MTMR1: variants seen among roughly 807,000 people sequenced by gnomAD.
MTMR1 encodes the protein myotubularin related protein 1.
A neutral mutation model predicts 51.6 loss-of-function variants in MTMR1; 17 were observed. The observed-to-expected ratio is 0.33, with a 90% confidence interval of 0.23 to 0.49. The LOEUF (loss-of-function observed/expected upper bound fraction) is 0.49. Ranked by LOEUF, MTMR1 falls within the 20% of genes least tolerant of loss-of-function variation. The pLI, the probability that MTMR1 is intolerant of heterozygous loss-of-function variation, is 0.99. For synonymous variants in MTMR1, 201 were observed against 205.6 expected (o/e 0.98, Z 0.19); for missense variants, 386 against 526.9 (o/e 0.73, Z 2.62).
intron 13 of MTMR1, among the ~76,000 whole-genome samples, chrX:150,749,238 A>G (rs993526599): frequency 8.9e-6 from 1 of 111,749 alleles, no homozygotes; most frequent in Non-Finnish European, 1.9e-5. Flanking sequence ...TGGATTGACC[A>G]TTGTTCTAAT....
At chrX:150,736,455 C>T (rs2148638587) in intron 10 of MTMR1, 140 bp from the exon 11 acceptor site, 1 of 506,100 alleles carries the variant, frequency 2.0e-6, no homozygotes, top group East Asian at 3.7e-5. Context: ...TCCAGCAGCC[C>T]TAGGAAACTC....
intron 13 of MTMR1, among the ~76,000 whole-genome samples, chrX:150,745,671 C>T (rs1336358599): frequency 8.9e-6 from 1 of 112,113 alleles, no homozygotes; most frequent in Non-Finnish European, 1.9e-5. Flanking sequence ...CAGAAGATGG[C>T]TCTCCACCTT....
rs1557415625 is a variant in MTMR1, at chrX:150,693,457, A to G, written c.-74A>G. ...CGGTATAGAGCGGGCGGCAGGAGGC[A>G]AGCAGCGAAACCTTCCCGGCCGCCG... On this transcript the variant is annotated 5_prime_UTR_variant, in exon 1 of 16. Coordinates refer to ENST00000445323, the MANE Select transcript of MTMR1 (RefSeq NM_001306144.3). The G allele has an allele frequency of 1.3e-6, 1 of 756,950 alleles. No individual in the cohort carries two copies. Among genetic ancestry groups the G allele is most frequent in the Non-Finnish European group, 1.6e-6 (1 of 641,412 alleles). The allele number at this position is 756,950 out of a possible 1,213,427, so 62.4% of individuals were successfully genotyped here.
At chrX:150,739,799 A>G (rs1365723016) in intron 12 of MTMR1, among the ~76,000 whole-genome samples, 1 of 112,363 alleles carries the variant, frequency 8.9e-6, no homozygotes, top group Non-Finnish European at 1.9e-5. Context: ...TAGTACTCTC[A>G]TTCACAGATG....
chrX:150,717,995 AACACTG>A (rs1202338423), intron 3 of MTMR1, among the ~76,000 whole-genome samples: 1 of 112,630 alleles, frequency 8.9e-6, no homozygotes, highest in Non-Finnish European at 1.9e-5. Context: ...GGATTGGGTG[AACACTG>A]ACAACTTCAC....
At chrX:150,697,321 G>A in intron 1 of MTMR1, among the ~76,000 whole-genome samples, 1 of 112,040 alleles carries the variant, frequency 8.9e-6, no homozygotes, top group Middle Eastern at 4.6e-3. Flanking sequence ...ACTGCAATTT[G>A]GATCACTAGC....
chrX:150,761,020 G>C (rs1454359704), intron 15 of MTMR1, among the ~76,000 whole-genome samples: 5 of 111,273 alleles, frequency 4.5e-5, no homozygotes, highest in Non-Finnish European at 9.4e-5. Context: ...CGTTTGAGCA[G>C]TGCTGGGTCT....
chrX:150,758,764 C>G (rs1398431929), intron 15 of MTMR1, among the ~76,000 whole-genome samples: 2 of 108,193 alleles, frequency 1.8e-5, no homozygotes, highest in African/African-American at 6.8e-5. Context: ...CCACTGCATT[C>G]CAGCCTGGGC....
chrX:150,727,394 C>A, intron 5 of MTMR1, 85 bp downstream of exon 5: 1 of 771,780 alleles, frequency 1.3e-6, no homozygotes, highest in Non-Finnish European at 1.9e-6. Flanking sequence ...CCCCTGAAAT[C>A]CCATTACCCT....
chrX:150,742,469 T>A (rs2042449442), intron 12 of MTMR1, among the ~76,000 whole-genome samples: 2 of 111,705 alleles, frequency 1.8e-5, no homozygotes, highest in African/African-American at 3.3e-5. Context: ...AGTGCAATGT[T>A]AGTCTTAAAA....
At chrX:150,753,244 A>G (rs1306802432) in intron 14 of MTMR1, among the ~76,000 whole-genome samples, 1 of 112,492 alleles carries the variant, frequency 8.9e-6, no homozygotes, top group Admixed American at 9.4e-5. Context: ...TGGTTGATAG[A>G]AATTTGGATT....
At chrX:150,742,937 A>G (rs782684997) in intron 12 of MTMR1, among the ~76,000 whole-genome samples, 109 of 111,684 alleles carry the variant, frequency 9.8e-4, no homozygotes, top group African/African-American at 3.4e-3. Context: ...AATCAAATTC[A>G]TAGGGACAAA....
intron 2 of MTMR1, among the ~76,000 whole-genome samples, chrX:150,711,027 C>T (rs1468402729): frequency 8.9e-6 from 1 of 112,102 alleles, no homozygotes; most frequent in East Asian, 2.8e-4. Context: ...GAGTTATTAC[C>T]ATAAACATAT....
chrX:150,701,148 G>T (rs1008327266), intron 2 of MTMR1, among the ~76,000 whole-genome samples: 1 of 112,160 alleles, frequency 8.9e-6, no homozygotes, highest in African/African-American at 3.2e-5. Context: ...AGCCAAATCT[G>T]AAAAGTTGGT....
intron 11 of MTMR1, 77 bp from the exon 12 acceptor site, chrX:150,737,165 C>A: frequency 9.9e-7 from 1 of 1,012,177 alleles, no homozygotes. Context: ...AAAGCTCTCC[C>A]CAGAATTATT....
At chrX:150,729,344 T>C (rs2042044265) in intron 6 of MTMR1, among the ~76,000 whole-genome samples, 1 of 112,136 alleles carries the variant, frequency 8.9e-6, no homozygotes, top group Admixed American at 9.4e-5. Flanking sequence ...TGTAGCCATG[T>C]AGCTTAGAGG....
intron 4 of MTMR1, among the ~76,000 whole-genome samples, chrX:150,725,889 T>C (rs369920072): frequency 8.9e-6 from 1 of 112,119 alleles, no homozygotes; most frequent in African/African-American, 3.2e-5. Flanking sequence ...TAACAACTTA[T>C]CACTGTGCCC....
rs187771614 is a variant in MTMR1 at position 150,698,120 on chromosome X, G to A, written c.147-1075G>A. Reference sequence around the variant, plus strand: ...AGCCTGGCCAACATGGTGAAAACCCGTCTCTACTAAAAATACAAAAATTAG... The same window carrying A: ...AGCCTGGCCAACATGGTGAAAACCCATCTCTACTAAAAATACAAAAATTAG... On this transcript the variant is annotated intron_variant, in intron 1 of 15. Coordinates refer to ENST00000445323, the MANE Select transcript of MTMR1 (RefSeq NM_001306144.3). Among the ~76,000 whole-genome samples, 99 of 111,033 alleles carry A rather than the reference G, an allele frequency of 8.9e-4. 2 individuals carry two copies. The highest frequency in any genetic ancestry group is 6.8e-3 in the East Asian group (24 of 3,542).
chrX:150,741,075 G>A lies in MTMR1; in HGVS notation c.1474-3286G>A, dbSNP rs149601023. Among the ~76,000 whole-genome samples the A allele has an allele frequency of 6.1e-3, 681 of 111,960 alleles. 8 individuals carry two copies. Among genetic ancestry groups the A allele is most frequent in the African/African-American group, 0.021 (660 of 30,733 alleles). ...TCCCAACAATAGCAGTAGCCTTTCTGCAACCTAGCTCTGTCTAATCCATCG... is the reference window on the plus strand; with the variant it reads ...TCCCAACAATAGCAGTAGCCTTTCTACAACCTAGCTCTGTCTAATCCATCG... On this transcript the variant is annotated intron_variant, in intron 12 of 15. Transcript: ENST00000445323.
Sources: gnomAD v4.1 joint callset for allele counts (sites outside exome capture counted in the v4.1 genomes callset) on GRCh38, gnomAD v4.1.1 for gene constraint, MANE v1.5 for transcripts, NCBI Gene and HGNC (gene_info 2026-07-23, HGNC 2026-07-21) for gene names.